The following ADARB2 variants were observed in gnomAD, a reference collection of about 807,000 sequenced individuals.
The protein encoded by ADARB2 is adenosine deaminase RNA specific B2 (inactive).
Under a neutral mutation model 62.2 loss-of-function variants are expected in ADARB2, and 25 were observed. The ratio of observed to expected loss-of-function variants is 0.40; its 90% CI spans 0.29 to 0.56. The LOEUF (loss-of-function observed/expected upper bound fraction) is 0.56, where lower values mean the gene tolerates loss of function less well. ADARB2 is among the 20% of genes least tolerant of loss of function. ADARB2 has a pLI of 0.43. For synonymous variants in ADARB2, 572 were observed against 500.8 expected (o/e 1.14, Z -1.90); for missense variants, 1,071 against 1,077.4 (o/e 0.99, Z 0.08).
chr10:1,688,320 G>A (rs1223605373), intron 1 of ADARB2, among the ~76,000 whole-genome samples: 4 of 152,196 alleles, frequency 2.6e-5, no homozygotes, highest in East Asian at 1.9e-4. Context: ...TTGGGCATGG[G>A]TGGGCAGAGT....
chr10:1,453,771 T>C (rs1831065474), intron 1 of ADARB2, among the ~76,000 whole-genome samples: 1 of 152,010 alleles, frequency 6.6e-6, no homozygotes, highest in African/African-American at 2.4e-5. Context: ...CACTAATCAT[T>C]AGGGAAATGC....
intron 2 of ADARB2, among the ~76,000 whole-genome samples, chr10:1,369,107 CT>C (rs1391275450): frequency 5.3e-5 from 8 of 152,184 alleles, no homozygotes; most frequent in African/African-American, 1.7e-4. Context: ...TACAAATTAA[CT>C]TTTTTTCCTT....
intron 8 of ADARB2, among the ~76,000 whole-genome samples, chr10:1,198,172 A>T (rs759180323): frequency 1.5e-4 from 23 of 152,190 alleles, no homozygotes. Flanking sequence ...GAACATTACT[A>T]TGCATCCCGT....
chr10:1,568,329 C>T (rs1456353939), intron 1 of ADARB2, among the ~76,000 whole-genome samples: 1 of 152,098 alleles, frequency 6.6e-6, no homozygotes, highest in Admixed American at 6.5e-5. Context: ...GCTCCTGCAC[C>T]AGCAGCACAG....
At position 1,363,233 on chromosome 10, in the gene ADARB2, C is replaced by A. The variant is rs1396304274; in HGVS notation, c.872G>T (p.Arg291Leu). 4 of 1,388,162 alleles carry A rather than the reference C, an allele frequency of 2.9e-6. No homozygotes were observed. The highest frequency in any genetic ancestry group is 3.1e-5 in the East Asian group (1 of 32,736). The allele number at this position is 1,388,162 out of a possible 1,614,324, so 86.0% of individuals were successfully genotyped here. Residue 291 changes from arginine (R) to leucine (L), a missense_variant, in exon 3 of 10, where the codon CGC (arginine) becomes CTC (leucine). Coordinates refer to ENST00000381312, the MANE Select transcript of ADARB2 (RefSeq NM_018702.4). ...GGCCGGTTCTGCCAGACACACGTAGCGCAGCCCGGCGCGCAGGCGGTTCAG... is the reference window on the plus strand; with the variant it reads ...GGCCGGTTCTGCCAGACACACGTAGAGCAGCCCGGCGCGCAGGCGGTTCAG... ...VLLNRLRAGLRYVCLAEPAER... is the reference protein window; with the variant it reads ...VLLNRLRAGLLYVCLAEPAER...
intron 1 of ADARB2, among the ~76,000 whole-genome samples, chr10:1,434,308 C>T (rs1564288039): frequency 1.3e-5 from 2 of 152,174 alleles, no homozygotes; most frequent in Non-Finnish European, 2.9e-5. Context: ...CCGCTTTCTG[C>T]GTTTTAAATG....
At chr10:1,432,152 C>A (rs1830782591) in intron 1 of ADARB2, among the ~76,000 whole-genome samples, 1 of 152,108 alleles carries the variant, frequency 6.6e-6, no homozygotes, top group Admixed American at 6.6e-5. Flanking sequence ...TTTTATGTCT[C>A]CAGCATAAAG....
intron 4 of ADARB2, among the ~76,000 whole-genome samples, chr10:1,254,054 C>T (rs552769417): frequency 3.5e-4 from 51 of 146,850 alleles, no homozygotes; most frequent in South Asian, 9.0e-4. Flanking sequence ...AGGGTGAGGT[C>T]GGCTCTGTGG....
At position 1,185,046 on chromosome 10, in the gene ADARB2, G is replaced by A. The variant is rs139222729; in HGVS notation, c.1865-7C>T. On this transcript the variant is annotated splice_region_variant and splice_polypyrimidine_tract_variant and intron_variant, in intron 8 of 9. Transcript: ENST00000381312. ...GCCTCGGCGTCACTCACGCCTGTCG[G>A]GGAGATGGGGAAAGGCGGGCGTTAA... The A allele has an allele frequency of 0.022, 35,783 of 1,608,060 alleles. 472 individuals are homozygous for A. The highest frequency in any genetic ancestry group is 0.026 in the Non-Finnish European group (31,074 of 1,176,668).
At chr10:1,605,102 A>G (rs1272935078) in intron 1 of ADARB2, among the ~76,000 whole-genome samples, 1 of 152,268 alleles carries the variant, frequency 6.6e-6, no homozygotes, top group Non-Finnish European at 1.5e-5. Context: ...TGGAAATGTC[A>G]TCTACATAAA....
chr10:1,409,819 A>G (rs187396458), intron 1 of ADARB2, among the ~76,000 whole-genome samples: 1 of 121,410 alleles, frequency 8.2e-6, no homozygotes, highest in African/African-American at 2.8e-5. Context: ...AAGGATTCTC[A>G]GTGGTGCTGA....
At chr10:1,598,469 C>T (rs942996911) in intron 1 of ADARB2, among the ~76,000 whole-genome samples, 2 of 152,180 alleles carry the variant, frequency 1.3e-5, no homozygotes, top group Non-Finnish European at 2.9e-5. Flanking sequence ...AAAGCAAGTC[C>T]CCACCACCCA....
At chr10:1,537,225 T>C (rs113328060) in intron 1 of ADARB2, among the ~76,000 whole-genome samples, 2,411 of 152,328 alleles carry the variant, frequency 0.016, 64 homozygotes, top group African/African-American at 0.055. Flanking sequence ...TCACCATCAC[T>C]GGTCATTAGA....
chr10:1,591,655 G>GCACACACACA (rs113613762), intron 1 of ADARB2, among the ~76,000 whole-genome samples: 5 of 86,920 alleles, frequency 5.8e-5, no homozygotes, highest in African/African-American at 1.4e-4. Flanking sequence ...ACAGAGGCGT[G>GCACACACACA]CACGCACACA....
chr10:1,562,657 T>C lies in ADARB2; in HGVS notation c.100+174394A>G, dbSNP rs1482821793. On this transcript the variant is annotated intron_variant, in intron 1 of 9. Coordinates refer to ENST00000381312, the MANE Select transcript of ADARB2 (RefSeq NM_018702.4). ...AATGACACCCCCCTGGTTGGAATACTTCCTGGAGGCTGGCCCTCGGCATTG... is the reference window on the plus strand; with the variant it reads ...AATGACACCCCCCTGGTTGGAATACCTCCTGGAGGCTGGCCCTCGGCATTG... Among the ~76,000 whole-genome samples the C allele has an allele frequency of 2.0e-5, 3 of 152,260 alleles. No individual in the cohort carries two copies. In the East Asian group the frequency reaches 5.8e-4, roughly 29 times the overall value.
At chr10:1,354,145 C>T (rs1253841790) in intron 3 of ADARB2, among the ~76,000 whole-genome samples, 1 of 152,114 alleles carries the variant, frequency 6.6e-6, no homozygotes, top group African/African-American at 2.4e-5. Context: ...TCCATACCAC[C>T]CCCAAAAATT....
intron 1 of ADARB2, among the ~76,000 whole-genome samples, chr10:1,584,425 C>T (rs774582333): frequency 5.3e-5 from 8 of 152,136 alleles, no homozygotes; most frequent in Non-Finnish European, 1.2e-4. Context: ...GGCCAAAATC[C>T]AGAACATGGA....
At chr10:1,480,902 C>T (rs970141051) in intron 1 of ADARB2, among the ~76,000 whole-genome samples, 2 of 152,056 alleles carry the variant, frequency 1.3e-5, no homozygotes, top group Non-Finnish European at 2.9e-5. Context: ...CAGTGTAATC[C>T]ACAGATTCAA....
intron 3 of ADARB2, among the ~76,000 whole-genome samples, chr10:1,286,085 T>TG (rs1262156087): frequency 2.7e-4 from 2 of 7,392 alleles, no homozygotes; most frequent in Non-Finnish European, 5.3e-4. Flanking sequence ...GGTGGGGCAG[T>TG]GGGGGCGGGT....
Sources: allele counts gnomAD v4.1 joint callset (sites outside exome capture counted in the v4.1 genomes callset), GRCh38; gene constraint gnomAD v4.1.1; transcripts MANE v1.5; gene names NCBI Gene and HGNC (gene_info 2026-07-23, HGNC 2026-07-21).